The following NAA15 variants were observed in gnomAD, a reference collection of about 807,000 sequenced individuals.
NAA15 encodes N-alpha-acetyltransferase 15, NatA auxiliary subunit.
Under a neutral mutation model 114.0 loss-of-function variants are expected in NAA15, and 34 were observed. The ratio of observed to expected loss-of-function variants is 0.30; its 90% CI spans 0.23 to 0.40. The LOEUF (loss-of-function observed/expected upper bound fraction) is 0.40, where lower values mean the gene tolerates loss of function less well. NAA15 is among the 10% of genes least tolerant of loss of function. NAA15 has a pLI of 1.00. For synonymous variants in NAA15, 340 were observed against 338.0 expected, an observed-to-expected ratio of 1.01 and a Z score of -0.06; for missense variants, 658 against 1,004.5, an observed-to-expected ratio of 0.66 and a Z score of 4.66.
intron 14 of NAA15, among the ~76,000 whole-genome samples, chr4:139,363,568 T>C (rs1230650061): frequency 1.3e-5 from 2 of 152,236 alleles, no homozygotes; most frequent in East Asian, 1.9e-4. Context: ...TCATAATTAT[T>C]ATTTTCACTG....
chr4:139,321,064 CAAAG>C (rs1746581554), intron 1 of NAA15, among the ~76,000 whole-genome samples: 1 of 151,842 alleles, frequency 6.6e-6, no homozygotes, highest in Non-Finnish European at 1.5e-5. Flanking sequence ...TTGATCTTCT[CAAAG>C]AACCAGCTTT....
chr4:139,345,948 A>G (rs1466744572), intron 6 of NAA15, among the ~76,000 whole-genome samples: 2 of 151,998 alleles, frequency 1.3e-5, no homozygotes, highest in Non-Finnish European at 2.9e-5. Context: ...GGAGTAGAGG[A>G]ACTGAAGATA....
chr4:139,360,940 A>T (rs1748114803), intron 13 of NAA15, among the ~76,000 whole-genome samples: 1 of 152,028 alleles, frequency 6.6e-6, no homozygotes, highest in African/African-American at 2.4e-5. Context: ...TGATTAAAGT[A>T]CTCCTAGGAC....
intron 1 of NAA15, 123 bp downstream of exon 1, chr4:139,301,954 C>T (rs960835143): frequency 3.7e-6 from 4 of 1,080,852 alleles, no homozygotes; most frequent in East Asian, 2.8e-5. Flanking sequence ...TCATAGCTCT[C>T]GTCAGGCCGA....
rs530057604 is a variant in NAA15 at position 139,379,717 on chromosome 4, A to G, written c.2155+863A>G. On this transcript the variant is annotated intron_variant, in intron 17 of 19. Transcript: ENST00000296543. Reference sequence around the variant, plus strand: ...TGAGGAAATTAAATCAGGCATCCCAATCACCAAAAAAATGCTAAATTGTCC... The same window carrying G: ...TGAGGAAATTAAATCAGGCATCCCAGTCACCAAAAAAATGCTAAATTGTCC... Among the ~76,000 whole-genome samples, 28 of 152,296 alleles carry G rather than the reference A, an allele frequency of 1.8e-4. No homozygotes were observed. The South Asian group carries it at 4.6e-3, about 25-fold the overall frequency.
intron 7 of NAA15, among the ~76,000 whole-genome samples, chr4:139,350,432 G>T (rs915619114): frequency 6.6e-6 from 1 of 152,212 alleles, no homozygotes; most frequent in Non-Finnish European, 1.5e-5. Flanking sequence ...TGTGGGAAGA[G>T]GGGTTAAATT....
In NAA15 at chr4:139,317,101, T is replaced by G. The variant is rs539832716; in HGVS notation, c.54+15270T>G. Among the ~76,000 whole-genome samples the G allele has an allele frequency of 7.9e-5, 12 of 151,998 alleles. No individual in the cohort carries two copies. The South Asian group carries it at 2.5e-3, about 32-fold the overall frequency. On this transcript the variant is annotated intron_variant, in intron 1 of 19. Coordinates refer to ENST00000296543, the MANE Select transcript of NAA15 (RefSeq NM_057175.5). ...GGGGCCCTCTCCTGATGGTAAATCC[T>G]CAGTCATATTACATGTAATTCGGTT... is the stretch of plus-strand genomic sequence containing the variant.
At chr4:139,369,321 G>C (rs1171505792) in intron 14 of NAA15, among the ~76,000 whole-genome samples, 5 of 152,206 alleles carry the variant, frequency 3.3e-5, no homozygotes, top group African/African-American at 1.2e-4. Flanking sequence ...ATTGCAAATA[G>C]TTTAATATTG....
chr4:139,379,829 C>T (rs994320371), intron 17 of NAA15, among the ~76,000 whole-genome samples: 4 of 151,980 alleles, frequency 2.6e-5, no homozygotes, highest in Non-Finnish European at 5.9e-5. Context: ...GGATCACTTG[C>T]GGTCAGGAGT....
chr4:139,325,728 A>T (rs1746778276), intron 1 of NAA15, among the ~76,000 whole-genome samples: 1 of 152,196 alleles, frequency 6.6e-6, no homozygotes, highest in African/African-American at 2.4e-5. Context: ...GGCTCACTGC[A>T]GCCTTGGACT....
chr4:139,351,560 T>G lies in NAA15; in HGVS notation c.963T>G (p.Gly321=). The part of the protein sequence containing the change: ...DKFLRMNFSK[G]CPPVFNTLRS... ...TCCTAAGGATGAATTTCAGCAAGGG[T>G]TGCCCACCAGTCTTCAATACTTTAA... is the stretch of plus-strand genomic sequence containing the variant. Residue 321 remains glycine (G), a synonymous_variant, in exon 9 of 20, where the codon GGT becomes GGG. Coordinates refer to ENST00000296543, the MANE Select transcript of NAA15 (RefSeq NM_057175.5). 1 of 1,608,344 alleles carries G rather than the reference T, an allele frequency of 6.2e-7. No homozygotes were observed. Among genetic ancestry groups the G allele is most frequent in the Non-Finnish European group, 8.5e-7 (1 of 1,174,858 alleles).
At chr4:139,380,654 T>C (rs1347431114) in intron 17 of NAA15, among the ~76,000 whole-genome samples, 1 of 152,214 alleles carries the variant, frequency 6.6e-6, no homozygotes, top group Non-Finnish European at 1.5e-5. Context: ...CCCATTGCTC[T>C]TTGTGTTCAG....
At chr4:139,373,913 C>T (rs890119086) in intron 15 of NAA15, among the ~76,000 whole-genome samples, 2 of 152,056 alleles carry the variant, frequency 1.3e-5, no homozygotes, top group African/African-American at 4.8e-5. Flanking sequence ...CCATGTTGGC[C>T]AGGCTGGTCT....
chr4:139,313,398 A>G (rs993951796), intron 1 of NAA15, among the ~76,000 whole-genome samples: 1 of 151,914 alleles, frequency 6.6e-6, no homozygotes, highest in African/African-American at 2.4e-5. Flanking sequence ...CATTAAGCAA[A>G]GCAGTATTTA....
intron 18 of NAA15, 71 bp from the exon 19 acceptor site, chr4:139,386,062 A>T: frequency 2.6e-6 from 2 of 765,950 alleles, no homozygotes; most frequent in Non-Finnish European, 4.3e-6. Context: ...TTTGCCTTTT[A>T]TATTTAAATA....
intron 14 of NAA15, among the ~76,000 whole-genome samples, chr4:139,368,206 A>G (rs1748338079): frequency 6.6e-6 from 1 of 152,164 alleles, no homozygotes; most frequent in African/African-American, 2.4e-5. Context: ...TTATTATCTG[A>G]CTGTTACTAT....
chr4:139,351,815 T>G (rs1336258222), intron 9 of NAA15, among the ~76,000 whole-genome samples: 1 of 152,170 alleles, frequency 6.6e-6, no homozygotes, highest in Non-Finnish European at 1.5e-5. Flanking sequence ...TTATTGCTTG[T>G]TTTCTGTTTC....
chr4:139,375,150 T>C (rs1448262428), intron 15 of NAA15, among the ~76,000 whole-genome samples: 1 of 152,226 alleles, frequency 6.6e-6, no homozygotes, highest in Non-Finnish European at 1.5e-5. Context: ...CAGAAATTCC[T>C]ATATAGTAGA....
chr4:139,387,916 T>C lies in NAA15; in HGVS notation c.2433T>C (p.Asp811=), dbSNP rs1748952297. The change falls in exon 20 of 20, where the codon GAT becomes GAC. Residue 811 remains aspartate, a synonymous_variant. Coordinates refer to ENST00000296543, the MANE Select transcript of NAA15 (RefSeq NM_057175.5). Reference sequence around the variant, plus strand: ...TGGAGGTATTGGAAGCCTTGTATGATGGTAGCCTAGGAGACTGTAAAGAAG... The same window carrying C: ...TGGAGGTATTGGAAGCCTTGTATGACGGTAGCCTAGGAGACTGTAAAGAAG... ...TCMEVLEALY[D]GSLGDCKEAA... is the part of the protein sequence containing the mutation. 3.1e-6 allele frequency: 5 copies of C among 1,613,920 alleles called. No homozygotes were observed. Among genetic ancestry groups the C allele is most frequent in the Admixed American group, 1.7e-5 (1 of 59,996 alleles).
Sources: gnomAD v4.1 joint callset for allele counts (sites outside exome capture counted in the v4.1 genomes callset) on GRCh38, gnomAD v4.1.1 for gene constraint, MANE v1.5 for transcripts, NCBI Gene and HGNC (gene_info 2026-07-23, HGNC 2026-07-21) for gene names.